Variants in GREB1L observed in about 807,000 individuals in gnomAD.
GREB1L encodes GREB1-like protein.
GREB1L carries 17 observed loss-of-function variants against 200.8 expected under a neutral mutation model. That is an observed-to-expected ratio of 0.08 (90% confidence interval 0.06 to 0.13). GREB1L has a LOEUF of 0.13. Among genes scored for constraint, GREB1L ranks in the 10% least tolerant of loss-of-function variants. The pLI is 1.00. For synonymous variants in GREB1L, 789 were observed against 893.0 expected, an observed-to-expected ratio of 0.88 and a Z score of 2.08; for missense variants, 1,657 against 2,367.7, an observed-to-expected ratio of 0.70 and a Z score of 6.23.
rs564359122 is a variant in GREB1L, at chr18:21,249,094, A to G, written c.-120+6701A>G. On this transcript the variant is annotated intron_variant, in intron 1 of 32. Transcript: ENST00000424526. ...AAAAATCAAGTTGTAGTAAATATCTATGAAAATAGTGTTACATATGTCGTG... is the reference window on the plus strand; with the variant it reads ...AAAAATCAAGTTGTAGTAAATATCTGTGAAAATAGTGTTACATATGTCGTG... Among the ~76,000 whole-genome samples, 4 of 152,342 alleles carry G rather than the reference A, an allele frequency of 2.6e-5. No individual in the cohort carries two copies. In the East Asian group the frequency reaches 7.7e-4, roughly 29 times the overall value.
chr18:21,431,093 C>T (rs2033118945), intron 7 of GREB1L, among the ~76,000 whole-genome samples: 1 of 151,792 alleles, frequency 6.6e-6, no homozygotes, highest in African/African-American at 2.4e-5. Flanking sequence ...ACCATCTCGG[C>T]TCACTGCAAC....
intron 7 of GREB1L, among the ~76,000 whole-genome samples, chr18:21,420,452 C>T (rs1371656510): frequency 6.6e-6 from 1 of 150,484 alleles, no homozygotes; most frequent in Non-Finnish European, 1.5e-5. Flanking sequence ...TGTTTCTGAA[C>T]TAAAGCCCTA....
intron 2 of GREB1L, among the ~76,000 whole-genome samples, chr18:21,371,484 T>A (rs1438840480): frequency 2.8e-5 from 4 of 144,722 alleles, no homozygotes; most frequent in Admixed American, 2.1e-4. Context: ...TTTTTTTTTT[T>A]AAAGTAAAAA....
intron 1 of GREB1L, among the ~76,000 whole-genome samples, chr18:21,278,390 AAAT>A (rs1168425073): frequency 2.4e-4 from 21 of 87,252 alleles, no homozygotes; most frequent in East Asian, 1.4e-3. Flanking sequence ...CAAAAAAAAA[AAAT>A]AAATAAATAA....
chr18:21,401,002 T>C, intron 5 of GREB1L, 148 bp from the exon 6 acceptor site: 1 of 628,856 alleles, frequency 1.6e-6, no homozygotes, highest in Non-Finnish European at 2.8e-6. Context: ...TAAAGAAACA[T>C]GTACCTGGTT....
Position 21,505,392 on chromosome 18 carries a change from A to T in GREB1L, c.4073-20A>T. On this transcript the variant is annotated intron_variant, in intron 23 of 32. Coordinates refer to ENST00000424526, the MANE Select transcript of GREB1L (RefSeq NM_001142966.3). Reference sequence around the variant, plus strand: ...GAGGGAGGCCAGTCACCTGCTCTGCACACTTCCTTCTTGTCCTAGATCACA... The same window carrying T: ...GAGGGAGGCCAGTCACCTGCTCTGCTCACTTCCTTCTTGTCCTAGATCACA... 6.5e-7 allele frequency: 1 copy of T among 1,547,588 alleles called. No homozygotes were observed. The highest frequency in any genetic ancestry group is 1.2e-5 in the South Asian group (1 of 83,972).
intron 19 of GREB1L, among the ~76,000 whole-genome samples, chr18:21,491,529 G>A (rs1003487805): frequency 2.6e-5 from 4 of 152,040 alleles, no homozygotes; most frequent in Non-Finnish European, 4.4e-5. Context: ...CTAACATGGT[G>A]AAACCCCGTT....
chr18:21,413,830 T>A (rs567774181), intron 7 of GREB1L, among the ~76,000 whole-genome samples: 1 of 152,320 alleles, frequency 6.6e-6, no homozygotes, highest in Non-Finnish European at 1.5e-5. Flanking sequence ...TGAGGAAGAA[T>A]ATCCCACTTT....
chr18:21,260,158 T>C (rs895171415), intron 1 of GREB1L, among the ~76,000 whole-genome samples: 3 of 151,996 alleles, frequency 2.0e-5, no homozygotes, highest in Non-Finnish European at 4.4e-5. Context: ...AAGCATTTTC[T>C]TATAAATTCA....
chr18:21,354,696 G>A (rs1209182014), intron 1 of GREB1L, among the ~76,000 whole-genome samples: 1 of 152,138 alleles, frequency 6.6e-6, no homozygotes, highest in Non-Finnish European at 1.5e-5. Flanking sequence ...TAGGAGCCAT[G>A]CTTGAGTTGA....
rs952401998 is a variant in GREB1L, at chr18:21,386,296, C to CT, written c.355+1902dup. On this transcript the variant is annotated intron_variant, in intron 4 of 32. Coordinates refer to ENST00000424526, the MANE Select transcript of GREB1L (RefSeq NM_001142966.3). ...TTGGTAGTTTATAGTTTGTAGATAC[C>CT]TTTTTTTTTATTTGAGACGGAGTCT... Among the ~76,000 whole-genome samples the CT allele has an allele frequency of 1.2e-4, 18 of 151,086 alleles. No homozygotes were observed. The Middle Eastern group carries it at 0.014, about 114-fold the overall frequency.
chr18:21,391,320 T>C (rs754354291), intron 4 of GREB1L, among the ~76,000 whole-genome samples: 5 of 152,258 alleles, frequency 3.3e-5, no homozygotes, highest in Non-Finnish European at 7.3e-5. Context: ...TAGTATTCAG[T>C]ACAATAGAAT....
intron 1 of GREB1L, among the ~76,000 whole-genome samples, chr18:21,361,721 T>TA (rs796247243): frequency 9.1e-4 from 130 of 143,584 alleles, no homozygotes; most frequent in Middle Eastern, 3.6e-3. Flanking sequence ...AAGGGGCCCT[T>TA]AAAAAAAAAA....
chr18:21,410,196 C>A (rs572723356), intron 7 of GREB1L, among the ~76,000 whole-genome samples: 76 of 151,886 alleles, frequency 5.0e-4, no homozygotes, highest in Non-Finnish European at 9.1e-4. Context: ...TAAGCTCTGC[C>A]CCTGTCACTA....
chr18:21,355,490 C>T (rs1025038369), intron 1 of GREB1L, among the ~76,000 whole-genome samples: 12 of 152,168 alleles, frequency 7.9e-5, no homozygotes, highest in Non-Finnish European at 1.6e-4. Context: ...CCACACCTGG[C>T]CTTCTTGTTC....
intron 7 of GREB1L, among the ~76,000 whole-genome samples, chr18:21,434,533 A>G (rs7243114): frequency 0.023 from 2,921 of 129,624 alleles, 82 homozygotes; most frequent in African/African-American, 0.085. Context: ...GTGTGTGTGT[A>G]TATATATGTG....
intron 1 of GREB1L, among the ~76,000 whole-genome samples, chr18:21,311,762 T>G (rs1039563323): frequency 2.8e-4 from 43 of 152,294 alleles, no homozygotes; most frequent in African/African-American, 1.0e-3. Context: ...AATTATAGCA[T>G]GCTGAGATGA....
At chr18:21,275,340 A>G (rs1335141177) in intron 1 of GREB1L, among the ~76,000 whole-genome samples, 1 of 152,214 alleles carries the variant, frequency 6.6e-6, no homozygotes, top group Admixed American at 6.5e-5. Context: ...AAGTGGGGGA[A>G]AATATTTTTG....
chr18:21,426,607 G>A (rs1238790760), intron 7 of GREB1L, among the ~76,000 whole-genome samples: 4 of 152,114 alleles, frequency 2.6e-5, no homozygotes, highest in Non-Finnish European at 1.5e-5. Context: ...TGGTAGCTTT[G>A]TATGAAATTC....
Sources: allele counts gnomAD v4.1 joint callset (sites outside exome capture counted in the v4.1 genomes callset), GRCh38; gene constraint gnomAD v4.1.1; transcripts MANE v1.5; gene names NCBI Gene and HGNC (gene_info 2026-07-23, HGNC 2026-07-21).